Variants in LINC00632 observed in about 807,000 individuals in gnomAD.
The protein encoded by LINC00632 is long independently transcribed non-coding RNA 632.
chrX:140,783,728 T>C (rs1038462375), exon 5 of LINC00632: 1 of 1,210,781 alleles, frequency 8.3e-7, no homozygotes, highest in Non-Finnish European at 1.1e-6. Flanking sequence ...TTCCAGTCAA[T>C]CCACATCTTC....
rs189755204 is a variant in LINC00632, at chrX:140,739,587, A to G, written n.191+5623A>G. 2.9e-3 allele frequency among the ~76,000 whole-genome samples: 325 copies of G among 111,494 alleles called. 2 individuals are homozygous for G. Among genetic ancestry groups the G allele is most frequent in the African/African-American group, 0.01 (319 of 30,702 alleles). On this transcript the variant is annotated intron_variant and non_coding_transcript_variant, in intron 3 of 4. Coordinates refer to ENST00000648200, the Ensembl canonical transcript of LINC00632. ...AAGAGAAAAATACACTTCCAGATAA[A>G]CTATGATGTAATGCTTTCATATTCA...
At chrX:140,757,174 T>C (rs1315215730) in intron 3 of LINC00632, among the ~76,000 whole-genome samples, 5 of 111,779 alleles carry the variant, frequency 4.5e-5, no homozygotes, top group Admixed American at 9.5e-5. Context: ...TATTGATCCA[T>C]TGGAACTCAG....
At chrX:140,712,473 G>A (rs1930538488) in intron 2 of LINC00632, among the ~76,000 whole-genome samples, 1 of 104,485 alleles carries the variant, frequency 9.6e-6, no homozygotes, top group Non-Finnish European at 1.9e-5. Flanking sequence ...CTCAGTTCTT[G>A]GAATTTTCTA....
chrX:140,783,839 T>A (rs778337185), exon 5 of LINC00632: 15 of 1,208,008 alleles, frequency 1.2e-5, no homozygotes, highest in Non-Finnish European at 1.7e-5. Flanking sequence ...TCCAGTAACC[T>A]CCCAGTCTTC....
At chrX:140,752,617 T>C (rs1417038565) in intron 3 of LINC00632, among the ~76,000 whole-genome samples, 3 of 112,318 alleles carry the variant, frequency 2.7e-5, no homozygotes, top group Non-Finnish European at 5.6e-5. Flanking sequence ...ATTACTTTTC[T>C]AGGGGAATGG....
chrX:140,783,607 A>T (rs367943672), exon 5 of LINC00632: 5 of 1,208,241 alleles, frequency 4.1e-6, no homozygotes, highest in Non-Finnish European at 5.6e-6. Flanking sequence ...AGTGTCTTCC[A>T]GAAAGAAATC....
intron 3 of LINC00632, among the ~76,000 whole-genome samples, chrX:140,741,344 G>T (rs1409680522): frequency 1.8e-5 from 2 of 112,058 alleles, no homozygotes; most frequent in Non-Finnish European, 3.8e-5. Flanking sequence ...TATTCCAGTG[G>T]GTACTAGAGC....
chrX:140,761,969 G>A (rs1327191062), intron 3 of LINC00632, among the ~76,000 whole-genome samples: 2 of 111,322 alleles, frequency 1.8e-5, no homozygotes, highest in Non-Finnish European at 3.8e-5. Flanking sequence ...CGTTTGGTTC[G>A]AGCCCACCTG....
chrX:140,783,683 C>T, exon 5 of LINC00632: 1 of 1,211,311 alleles, frequency 8.3e-7, no homozygotes, highest in Non-Finnish European at 1.1e-6. Flanking sequence ...TCAGTGTCTT[C>T]CAGAAAAATC....
rs775903671 is a variant in LINC00632, at chrX:140,765,057, A to G, written n.192-7021A>G. Among the ~76,000 whole-genome samples the G allele has an allele frequency of 9.8e-5, 11 of 111,899 alleles. No homozygotes were observed. The South Asian group carries it at 4.2e-3, about 43-fold the overall frequency. On this transcript the variant is annotated intron_variant and non_coding_transcript_variant, in intron 3 of 4. Transcript: ENST00000648200. ...TCTTTAAAATTCAAAGTTATAGCCA[A>G]AATTCCGCAAGAAGCTAGATAAGAA...
exon 5 of LINC00632, among the ~76,000 whole-genome samples, chrX:140,779,143 T>C (rs897464498): frequency 9.0e-6 from 1 of 111,301 alleles, no homozygotes; most frequent in Non-Finnish European, 1.9e-5. Context: ...TATGCACAGT[T>C]TGAGTGGAGA....
chrX:140,730,623 C>A (rs990098140), intron 2 of LINC00632, among the ~76,000 whole-genome samples: 1 of 110,857 alleles, frequency 9.0e-6, no homozygotes, highest in Non-Finnish European at 1.9e-5. Context: ...ATGTAATCCA[C>A]AACGCACATG....
chrX:140,778,958 T>C (rs1027748169), exon 5 of LINC00632, among the ~76,000 whole-genome samples: 15 of 111,946 alleles, frequency 1.3e-4, no homozygotes, highest in Non-Finnish European at 2.4e-4. Flanking sequence ...CAAAGAACAT[T>C]TTACTGTGGT....
intron 3 of LINC00632, among the ~76,000 whole-genome samples, chrX:140,743,241 A>G (rs986870716): frequency 2.6e-5 from 1 of 38,397 alleles, no homozygotes. Context: ...AAAAAAAAAA[A>G]AAAAAAAAAA....
intron 3 of LINC00632, among the ~76,000 whole-genome samples, chrX:140,771,689 T>A (rs1470200766): frequency 5.2e-4 from 48 of 91,513 alleles, no homozygotes; most frequent in Non-Finnish European, 7.9e-4. Flanking sequence ...ATATATATTT[T>A]TTTTTTTTGA....
At chrX:140,746,381 G>A (rs7066495) in intron 3 of LINC00632, among the ~76,000 whole-genome samples, 1,561 of 111,515 alleles carry the variant, frequency 0.014, 24 homozygotes, top group African/African-American at 0.047. Flanking sequence ...CCCTTTCCCC[G>A]TTCCTCTAGA....
At chrX:140,723,503 CACATTCCATACACACAA>C (rs1441416501) in intron 2 of LINC00632, among the ~76,000 whole-genome samples, 6 of 12,764 alleles carry the variant, frequency 4.7e-4, no homozygotes, top group African/African-American at 1.3e-3. Context: ...CACGCACACA[CACATTCCATACACACAA>C]ACATTCCATA....
At chrX:140,788,196 A>G (rs1416028228) in exon 5 of LINC00632, among the ~76,000 whole-genome samples, 1 of 110,663 alleles carries the variant, frequency 9.0e-6, no homozygotes, top group Non-Finnish European at 1.9e-5. Context: ...GGGTCAGAAT[A>G]TGGGAGGACA....
chrX:140,782,544 C>A (rs2148405060), exon 5 of LINC00632: 1 of 111,874 alleles, frequency 8.9e-6, no homozygotes, highest in African/African-American at 3.2e-5. Context: ...TTCCATGGTC[C>A]TAATCCTCCA....
Sources: allele counts gnomAD v4.1 joint callset (sites outside exome capture counted in the v4.1 genomes callset), GRCh38; gene constraint gnomAD v4.1.1; transcripts MANE v1.5; gene names NCBI Gene and HGNC (gene_info 2026-07-23, HGNC 2026-07-21).